The following HS3ST5 variants were observed in gnomAD, a reference collection of about 807,000 sequenced individuals.
HS3ST5 encodes the protein heparan sulfate glucosamine 3-O-sulfotransferase 5.
HS3ST5 carries 10 observed loss-of-function variants against 25.4 expected under a neutral mutation model. The observed-to-expected ratio is 0.39, with a 90% CI of 0.24 to 0.67. HS3ST5 has a LOEUF of 0.67. Among genes scored for constraint, HS3ST5 ranks in the 30% least tolerant of loss-of-function variants. HS3ST5 has a pLI of 0.44. For missense variants in HS3ST5, 324 were observed against 420.7 expected, an observed-to-expected ratio of 0.77 and a Z score of 2.01; for synonymous variants, 170 against 162.4, an observed-to-expected ratio of 1.05 and a Z score of -0.36.
chr6:114,106,866 T>C (rs933197255), intron 3 of HS3ST5, among the ~76,000 whole-genome samples: 1 of 152,138 alleles, frequency 6.6e-6, no homozygotes, highest in Non-Finnish European at 1.5e-5. Flanking sequence ...AGGTAAGATA[T>C]AAGTTCTATA....
intron 1 of HS3ST5, among the ~76,000 whole-genome samples, chr6:114,324,005 G>A (rs775652813): frequency 6.6e-5 from 10 of 152,110 alleles, no homozygotes; most frequent in Non-Finnish European, 1.5e-4. Flanking sequence ...CCCTGCTGGG[G>A]GACACTGGCT....
chr6:114,075,558 C>G (rs190085508), intron 3 of HS3ST5, among the ~76,000 whole-genome samples: 2 of 152,242 alleles, frequency 1.3e-5, no homozygotes, highest in East Asian at 3.9e-4. Flanking sequence ...TCAGAAAGGC[C>G]CTGTGCTTGG....
chr6:114,273,600 C>T (rs969697138), intron 1 of HS3ST5, among the ~76,000 whole-genome samples: 1 of 151,986 alleles, frequency 6.6e-6, no homozygotes, highest in African/African-American at 2.4e-5. Flanking sequence ...GAAAGAGCAG[C>T]CCGTTAGGAA....
At chr6:114,067,936 A>T (rs1773559933) in intron 3 of HS3ST5, among the ~76,000 whole-genome samples, 1 of 152,142 alleles carries the variant, frequency 6.6e-6, no homozygotes, top group Admixed American at 6.6e-5. Flanking sequence ...TATGATAATA[A>T]TGTCTATCTC....
At chr6:114,320,229 C>T (rs1013724624) in intron 1 of HS3ST5, among the ~76,000 whole-genome samples, 4 of 151,974 alleles carry the variant, frequency 2.6e-5, no homozygotes, top group Non-Finnish European at 5.9e-5. Context: ...AGACTCAGGT[C>T]GAATTAGTAA....
At chr6:114,128,510 G>A (rs1418797826) in intron 3 of HS3ST5, among the ~76,000 whole-genome samples, 1 of 152,096 alleles carries the variant, frequency 6.6e-6, no homozygotes, top group Non-Finnish European at 1.5e-5. Flanking sequence ...CTGCCTTCAC[G>A]AATCTTACAC....
Position 114,127,041 on chromosome 6 carries a change from T to A in HS3ST5, c.-33+41310A>T, listed in dbSNP as rs559132060. ...ATAAGATGTTGATAAGAGGGTTATA[T>A]GACACAAAGCATAAAATGACATCTT... is the stretch of plus-strand genomic sequence containing the variant. On this transcript the variant is annotated intron_variant, in intron 3 of 4. Coordinates refer to ENST00000312719, the MANE Select transcript of HS3ST5 (RefSeq NM_153612.4). Among the ~76,000 whole-genome samples the A allele has an allele frequency of 2.0e-5, 3 of 152,240 alleles. No individual in the cohort carries two copies. In the East Asian group the frequency reaches 5.8e-4, roughly 30 times the overall value.
chr6:114,184,724 A>C (rs1379478892), intron 2 of HS3ST5, among the ~76,000 whole-genome samples: 1 of 152,258 alleles, frequency 6.6e-6, no homozygotes, highest in Non-Finnish European at 1.5e-5. Context: ...GCCAGGTAGA[A>C]CCATGGGGAC....
intron 3 of HS3ST5, among the ~76,000 whole-genome samples, chr6:114,126,348 T>C (rs1434381205): frequency 6.6e-6 from 1 of 152,122 alleles, no homozygotes; most frequent in Non-Finnish European, 1.5e-5. Context: ...TTCCCAGCCA[T>C]TTGCCTCAAG....
intron 1 of HS3ST5, among the ~76,000 whole-genome samples, chr6:114,250,493 A>C (rs371800161): frequency 6.6e-6 from 1 of 151,942 alleles, no homozygotes; most frequent in East Asian, 1.9e-4. Context: ...AGGCAGGAGA[A>C]TGGCGTGAAC....
At chr6:114,278,393 T>C (rs1773959137) in intron 1 of HS3ST5, among the ~76,000 whole-genome samples, 1 of 151,968 alleles carries the variant, frequency 6.6e-6, no homozygotes, top group East Asian at 1.9e-4. Flanking sequence ...TAACAATTCT[T>C]AGAAGGTTAG....
chr6:114,199,446 A>T (rs961678247), intron 2 of HS3ST5, among the ~76,000 whole-genome samples: 1 of 152,208 alleles, frequency 6.6e-6, no homozygotes, highest in Admixed American at 6.5e-5. Flanking sequence ...AATAAGTTTG[A>T]GAAATGTTGC....
At chr6:114,184,963 A>G (rs1178330551) in intron 2 of HS3ST5, among the ~76,000 whole-genome samples, 1 of 152,200 alleles carries the variant, frequency 6.6e-6, no homozygotes, top group Non-Finnish European at 1.5e-5. Flanking sequence ...TTGGAAGCAC[A>G]TAACATATTT....
intron 2 of HS3ST5, among the ~76,000 whole-genome samples, chr6:114,210,706 G>T (rs933685188): frequency 2.6e-5 from 4 of 152,132 alleles, no homozygotes; most frequent in Non-Finnish European, 4.4e-5. Context: ...GATATAGCTC[G>T]CTCAGCATTT....
intron 2 of HS3ST5, among the ~76,000 whole-genome samples, chr6:114,182,407 C>A (rs1189344438): frequency 6.6e-6 from 1 of 152,152 alleles, no homozygotes; most frequent in Admixed American, 6.5e-5. Context: ...GGAAAAAATT[C>A]TAGAGAATAG....
At chr6:114,175,214 T>C (rs1430455922) in intron 2 of HS3ST5, among the ~76,000 whole-genome samples, 1 of 152,102 alleles carries the variant, frequency 6.6e-6, no homozygotes, top group Non-Finnish European at 1.5e-5. Flanking sequence ...CACCGAACTT[T>C]AAAGGGGATG....
intron 1 of HS3ST5, among the ~76,000 whole-genome samples, chr6:114,245,672 G>A (rs1772343555): frequency 6.6e-6 from 1 of 152,176 alleles, no homozygotes; most frequent in Non-Finnish European, 1.5e-5. Context: ...TAGAAAGCCT[G>A]ATAGATTGCT....
At chr6:114,253,022 C>CA (rs112159484) in intron 1 of HS3ST5, among the ~76,000 whole-genome samples, 23 of 151,960 alleles carry the variant, frequency 1.5e-4, no homozygotes, top group African/African-American at 5.3e-4. Context: ...CCCATCTCCA[C>CA]AAAAAATTAA....
In HS3ST5 at chr6:114,342,871, G is replaced by GTCC. The variant is rs1776949182; in HGVS notation, c.-1016_-1015insGGA. On this transcript the variant is annotated 5_prime_UTR_variant, in exon 1 of 5. Coordinates refer to ENST00000312719, the MANE Select transcript of HS3ST5 (RefSeq NM_153612.4). Reference sequence around the variant, plus strand: ...CGCTCCCCGCGGCTGGCGCTGTCACGGCCGCCGCCCGGCCCCCAGAGCGCC... The same window carrying GTCC: ...CGCTCCCCGCGGCTGGCGCTGTCACGTCCGCCGCCGCCCGGCCCCCAGAGCGCC... 1 of 153,016 alleles carries GTCC rather than the reference G, an allele frequency of 6.5e-6. No homozygotes were observed. The highest frequency in any genetic ancestry group is 2.4e-5 in the African/African-American group (1 of 41,464). 9.5% of individuals were successfully genotyped at this position (153,016 alleles called of 1,614,324 possible). A position where few individuals can be genotyped will look rare whatever the true frequency, so the allele number is the denominator to read the frequency against.
Sources: gnomAD v4.1 joint callset for allele counts (sites outside exome capture counted in the v4.1 genomes callset) on GRCh38, gnomAD v4.1.1 for gene constraint, MANE v1.5 for transcripts, NCBI Gene and HGNC (gene_info 2026-07-23, HGNC 2026-07-21) for gene names.